The following NEGR1 variants were observed in gnomAD, a reference collection of about 807,000 sequenced individuals.
NEGR1 encodes IgLON family member 4.
Under a neutral mutation model 40.9 loss-of-function variants are expected in NEGR1, and 10 were observed. The observed-to-expected ratio is 0.24, with a 90% CI of 0.15 to 0.42. The LOEUF is 0.42. NEGR1 is among the 10% of genes least tolerant of loss of function. The probability of loss-of-function intolerance (pLI) is 1.00; values close to 1 mark genes in which losing one functional copy is unlikely to be tolerated. For missense variants in NEGR1, 352 were observed against 438.9 expected, an observed-to-expected ratio of 0.80 and a Z score of 1.77; for synonymous variants, 185 against 166.8, an observed-to-expected ratio of 1.11 and a Z score of -0.84.
intron 1 of NEGR1, among the ~76,000 whole-genome samples, chr1:72,177,864 C>A (rs1652233543): frequency 6.6e-6 from 1 of 151,482 alleles, no homozygotes; most frequent in South Asian, 2.1e-4. Context: ...CCAACACAGA[C>A]AGCACAAGGA....
intron 1 of NEGR1, among the ~76,000 whole-genome samples, chr1:72,155,859 G>A (rs1651338261): frequency 6.6e-6 from 1 of 152,110 alleles, no homozygotes; most frequent in Admixed American, 6.6e-5. Flanking sequence ...GTCCAATAGT[G>A]AGTAGCTATT....
chr1:71,840,336 T>C (rs1659194698), intron 2 of NEGR1, among the ~76,000 whole-genome samples: 1 of 152,122 alleles, frequency 6.6e-6, no homozygotes. Context: ...TAAAAGTAAG[T>C]ATTTGTATGT....
intron 1 of NEGR1, among the ~76,000 whole-genome samples, chr1:71,966,410 T>C (rs1270489155): frequency 2.0e-5 from 3 of 152,190 alleles, no homozygotes; most frequent in Non-Finnish European, 4.4e-5. Context: ...GCCAAAACAG[T>C]AGAATAGGCC....
intron 2 of NEGR1, among the ~76,000 whole-genome samples, chr1:71,796,973 A>G (rs1418702084): frequency 6.6e-6 from 1 of 152,158 alleles, no homozygotes; most frequent in Non-Finnish European, 1.5e-5. Context: ...TTTTTACAGC[A>G]CATATTTACA....
rs1158039041 is a variant in NEGR1 at position 71,597,432 on chromosome 1, G to GTCTCTCTC, written c.789-4472_789-4465dup. Reference sequence around the variant, plus strand: ...TTTATTTATATATATATATATATATGTCTCTCTCTCTCTCTCTCTCTCTCT... The same window carrying GTCTCTCTC: ...TTTATTTATATATATATATATATATGTCTCTCTCTCTCTCTCTCTCTCTCTCTCTCTCT... On this transcript the variant is annotated intron_variant, in intron 5 of 6. Transcript: ENST00000357731. 1.9e-3 allele frequency among the ~76,000 whole-genome samples: 118 copies of GTCTCTCTC among 60,744 alleles called. 1 individual carries two copies. Among genetic ancestry groups the GTCTCTCTC allele is most frequent in the African/African-American group, 7.2e-3 (109 of 15,234 alleles). 39.9% of individuals were successfully genotyped at this position (60,744 alleles called of 152,430 possible).
At chr1:71,419,442 CAGTT>C (rs1471797228) in intron 6 of NEGR1, among the ~76,000 whole-genome samples, 4 of 152,158 alleles carry the variant, frequency 2.6e-5, no homozygotes, top group Non-Finnish European at 5.9e-5. Context: ...ATAATTCTCT[CAGTT>C]AGTGTCACTT....
chr1:71,521,517 C>T (rs1330708354), intron 6 of NEGR1, among the ~76,000 whole-genome samples: 2 of 151,946 alleles, frequency 1.3e-5, no homozygotes, highest in African/African-American at 2.4e-5. Context: ...TAAGAGTTTC[C>T]TAATCACACT....
chr1:72,049,183 T>C (rs1235577811), intron 1 of NEGR1, among the ~76,000 whole-genome samples: 1 of 151,168 alleles, frequency 6.6e-6, no homozygotes. Flanking sequence ...ATAATAATAA[T>C]GCAAAAAATT....
chr1:71,762,337 T>A (rs1276943625), intron 3 of NEGR1, among the ~76,000 whole-genome samples: 1 of 150,920 alleles, frequency 6.6e-6, no homozygotes, highest in Non-Finnish European at 1.5e-5. Flanking sequence ...TTAAATTACA[T>A]GTAAATGGTT....
intron 6 of NEGR1, among the ~76,000 whole-genome samples, chr1:71,415,368 G>A (rs960530628): frequency 3.3e-5 from 5 of 151,888 alleles, no homozygotes; most frequent in African/African-American, 7.2e-5. Flanking sequence ...TTCTCTGGCC[G>A]ACCAGCATCC....
chr1:71,742,245 C>T (rs768915909), intron 3 of NEGR1, among the ~76,000 whole-genome samples: 6 of 152,140 alleles, frequency 3.9e-5, no homozygotes, highest in Admixed American at 6.6e-5. Flanking sequence ...GGCCAGATTG[C>T]CTCTGCCCAA....
chr1:72,063,525 A>T (rs368195349), intron 1 of NEGR1, among the ~76,000 whole-genome samples: 42 of 152,048 alleles, frequency 2.8e-4, no homozygotes, highest in African/African-American at 9.1e-4. Context: ...AGTTATGCAC[A>T]GTGTACTGGA....
intron 2 of NEGR1, among the ~76,000 whole-genome samples, chr1:71,908,613 C>T (rs939596441): frequency 6.6e-6 from 1 of 152,152 alleles, no homozygotes; most frequent in African/African-American, 2.4e-5. Flanking sequence ...AACTTAGATT[C>T]ACTTGATTCT....
At chr1:71,501,707 A>C (rs1168881735) in intron 6 of NEGR1, among the ~76,000 whole-genome samples, 1 of 152,220 alleles carries the variant, frequency 6.6e-6, no homozygotes, top group Non-Finnish European at 1.5e-5. Context: ...TGTGAGAGTG[A>C]AAAAATAATG....
chr1:71,993,391 G>A (rs988521466), intron 1 of NEGR1, among the ~76,000 whole-genome samples: 3 of 152,098 alleles, frequency 2.0e-5, no homozygotes, highest in African/African-American at 7.2e-5. Context: ...GGCAGTGTAG[G>A]TAAGCCATTT....
intron 1 of NEGR1, among the ~76,000 whole-genome samples, chr1:72,009,109 A>G (rs897369362): frequency 1.3e-5 from 2 of 152,062 alleles, no homozygotes; most frequent in Non-Finnish European, 2.9e-5. Flanking sequence ...GCATATTACC[A>G]TTACAGAATG....
intron 3 of NEGR1, among the ~76,000 whole-genome samples, chr1:71,729,848 G>GT (rs571150264): frequency 0.1 from 14,643 of 142,138 alleles, 998 homozygotes; most frequent in African/African-American, 0.19. Flanking sequence ...TTGGTTTTTG[G>GT]TTTTTTTTTT....
intron 2 of NEGR1, among the ~76,000 whole-genome samples, chr1:71,823,079 T>G (rs1286600148): frequency 1.3e-5 from 2 of 151,994 alleles, no homozygotes; most frequent in Non-Finnish European, 2.9e-5. Context: ...GCATTCCTAA[T>G]GTACCTCTAT....
intron 5 of NEGR1, among the ~76,000 whole-genome samples, chr1:71,608,897 A>C (rs1650153098): frequency 6.6e-6 from 1 of 152,160 alleles, no homozygotes; most frequent in African/African-American, 2.4e-5. Context: ...ATAACTTATA[A>C]AGGATTCAGA....
Sources: gnomAD v4.1 joint callset for allele counts (sites outside exome capture counted in the v4.1 genomes callset) on GRCh38, gnomAD v4.1.1 for gene constraint, MANE v1.5 for transcripts, NCBI Gene and HGNC (gene_info 2026-07-23, HGNC 2026-07-21) for gene names.